DOCK7: variants seen among roughly 807,000 people sequenced by gnomAD.
DOCK7 encodes the protein dedicator of cytokinesis protein 7.
A neutral mutation model predicts 271.0 loss-of-function variants in DOCK7; 138 were observed. The observed-to-expected ratio is 0.51, with a 90% CI of 0.44 to 0.59. The LOEUF is 0.59. Ranked by LOEUF, DOCK7 falls within the 20% of genes least tolerant of loss-of-function variation. The pLI, the probability that DOCK7 is intolerant of heterozygous loss-of-function variation, is 0.00. For missense variants in DOCK7, 2,066 were observed against 2,592.4 expected (o/e 0.80, Z 4.41); for synonymous variants, 823 against 876.1 (o/e 0.94, Z 1.07).
At chr1:62,581,104 A>T (rs531131552) in intron 16 of DOCK7, among the ~76,000 whole-genome samples, 1 of 152,312 alleles carries the variant, frequency 6.6e-6, no homozygotes, top group Admixed American at 6.5e-5. Context: ...CCTGGTATAC[A>T]GCATATAGGG....
rs1662111832 is a variant in DOCK7, at chr1:62,688,375, G to C, written c.-111C>G. On this transcript the variant is annotated 5_prime_UTR_variant, in exon 1 of 50. Transcript: ENST00000635253. ...CTCCCTCGCGGCCTCCGCCAGTCCG[G>C]GCTCCGGACCTGGGAGGCTGGGGCT... 1.5e-6 allele frequency: 1 copy of C among 672,256 alleles called. No individual in the cohort carries two copies. The highest frequency in any genetic ancestry group is 4.8e-5 in the Admixed American group (1 of 20,642). The allele number at this position is 672,256 out of a possible 1,614,324, so 41.6% of individuals were successfully genotyped here. A position where few individuals can be genotyped will look rare whatever the true frequency, so the allele number is the denominator to read the frequency against.
intron 29 of DOCK7, among the ~76,000 whole-genome samples, chr1:62,531,904 A>G (rs1645185505): frequency 6.6e-6 from 1 of 152,246 alleles, no homozygotes; most frequent in Non-Finnish European, 1.5e-5. Context: ...TGAACAAGAA[A>G]GACAAGGTGC....
intron 18 of DOCK7, among the ~76,000 whole-genome samples, chr1:62,576,664 C>A (rs1395602878): frequency 2.6e-5 from 4 of 152,208 alleles, no homozygotes; most frequent in Non-Finnish European, 5.9e-5. Flanking sequence ...GAGACACTGA[C>A]AACCATTGTG....
chr1:62,626,908 A>G lies in DOCK7; in HGVS notation c.1283-1507T>C, dbSNP rs1409455102. ...ATTCTATGAGGCCAGTATTACCCTGATACCAAAACCAGACAGAGTCATCAA... is the reference window on the plus strand; with the variant it reads ...ATTCTATGAGGCCAGTATTACCCTGGTACCAAAACCAGACAGAGTCATCAA... On this transcript the variant is annotated intron_variant, in intron 11 of 49. Transcript: ENST00000635253. 7.2e-5 allele frequency among the ~76,000 whole-genome samples: 11 copies of G among 152,292 alleles called. No homozygotes were observed. The East Asian group carries it at 2.1e-3, about 29-fold the overall frequency.
intron 14 of DOCK7, among the ~76,000 whole-genome samples, chr1:62,617,353 C>T (rs973856166): frequency 6.6e-6 from 1 of 151,874 alleles, no homozygotes; most frequent in Non-Finnish European, 1.5e-5. Flanking sequence ...AATAGAAGCA[C>T]TGGAGAATTT....
chr1:62,620,883 C>CAAAAAAA (rs767181280), intron 12 of DOCK7, among the ~76,000 whole-genome samples: 1 of 31,134 alleles, frequency 3.2e-5, no homozygotes, highest in African/African-American at 9.4e-5. Flanking sequence ...GACTCCGTCT[C>CAAAAAAA]AAAAAAAAAA....
intron 14 of DOCK7, among the ~76,000 whole-genome samples, chr1:62,591,213 C>G (rs1648393000): frequency 6.6e-6 from 1 of 152,132 alleles, no homozygotes; most frequent in Non-Finnish European, 1.5e-5. Context: ...ATGGATGGAG[C>G]TGGGAACCAC....
At chr1:62,676,655 C>A (rs1035589729) in intron 1 of DOCK7, among the ~76,000 whole-genome samples, 5 of 152,064 alleles carry the variant, frequency 3.3e-5, no homozygotes, top group Non-Finnish European at 7.3e-5. Flanking sequence ...GAGCTGAATG[C>A]AGTCACTAAG....
chr1:62,545,761 G>A (rs954329814), intron 22 of DOCK7, among the ~76,000 whole-genome samples: 2 of 152,112 alleles, frequency 1.3e-5, no homozygotes, highest in African/African-American at 4.8e-5. Flanking sequence ...CGCTACTAAA[G>A]TATATGTCCA....
chr1:62,467,544 G>T (rs141979798), intron 48 of DOCK7, among the ~76,000 whole-genome samples: 1 of 152,272 alleles, frequency 6.6e-6, no homozygotes, highest in Non-Finnish European at 1.5e-5. Context: ...TAAGGGCACA[G>T]AAACTAAAGC....
rs867496485 is a variant in DOCK7, at chr1:62,460,637, A to C, written c.6213-2932T>G. On this transcript the variant is annotated intron_variant, in intron 48 of 49. Transcript: ENST00000635253. ...CACACACACACACACACACACACAC[A>C]CACCCTCCAAGTATTTTTCTTTTTT... Among the ~76,000 whole-genome samples, 305 of 128,836 alleles carry C rather than the reference A, an allele frequency of 2.4e-3. 1 individual carries two copies. Among genetic ancestry groups the C allele is most frequent in the African/African-American group, 8.9e-3 (290 of 32,584 alleles). 84.5% of individuals were successfully genotyped at this position (128,836 alleles called of 152,430 possible). A position where few individuals can be genotyped will look rare whatever the true frequency, so the allele number is the denominator to read the frequency against.
intron 1 of DOCK7, among the ~76,000 whole-genome samples, chr1:62,683,884 A>G (rs1202686817): frequency 6.6e-6 from 1 of 151,848 alleles, no homozygotes; most frequent in African/African-American, 2.4e-5. Context: ...CCAAGACTGT[A>G]CCACTGCGCT....
chr1:62,545,077 A>G (rs539256963), intron 22 of DOCK7, 38 bp from the exon 23 acceptor site: 2 of 1,450,398 alleles, frequency 1.4e-6, no homozygotes, highest in African/African-American at 2.8e-5. Flanking sequence ...AAGGAAAGAA[A>G]TATTACATGT....
chr1:62,647,536 G>A (rs958240704), intron 7 of DOCK7, among the ~76,000 whole-genome samples, 155 bp downstream of exon 7: 26 of 152,198 alleles, frequency 1.7e-4, no homozygotes, highest in African/African-American at 4.6e-4. Context: ...TCATACATAC[G>A]TTTGAATGCT....
At chr1:62,513,664 C>T (rs1644568934) in intron 32 of DOCK7, 52 bp downstream of exon 32, 1 of 1,601,310 alleles carries the variant, frequency 6.2e-7, no homozygotes, top group Admixed American at 1.7e-5. Flanking sequence ...CTATTTTTTC[C>T]ACATTATGTT....
intron 11 of DOCK7, chr1:62,629,147 T>C (rs1246032061): frequency 3.9e-5 from 6 of 152,208 alleles, no homozygotes; most frequent in African/African-American, 1.2e-4. Flanking sequence ...AGTGGAATTT[T>C]TGAAGGTGCA....
At chr1:62,509,188 C>T (rs1162150259) in intron 34 of DOCK7, among the ~76,000 whole-genome samples, 3 of 151,628 alleles carry the variant, frequency 2.0e-5, no homozygotes, top group East Asian at 3.9e-4. Context: ...TGGTGCACAG[C>T]TATAATCCCA....
chr1:62,562,516 A>C (rs1008679019), intron 18 of DOCK7, among the ~76,000 whole-genome samples: 3 of 152,106 alleles, frequency 2.0e-5, no homozygotes, highest in African/African-American at 7.2e-5. Context: ...TGCCAGGCCG[A>C]AAACATTTTT....
intron 4 of DOCK7, 64 bp from the exon 5 acceptor site, chr1:62,648,608 G>T: frequency 1.1e-6 from 1 of 941,376 alleles, no homozygotes; most frequent in Non-Finnish European, 1.4e-6. Flanking sequence ...TCACTTTTTG[G>T]GCATCATTAT....
Sources: allele counts gnomAD v4.1 joint callset (sites outside exome capture counted in the v4.1 genomes callset), GRCh38; gene constraint gnomAD v4.1.1; transcripts MANE v1.5; gene names NCBI Gene and HGNC (gene_info 2026-07-23, HGNC 2026-07-21).